Variants in CAND2 observed in about 807,000 individuals in gnomAD.
CAND2 encodes cullin-associated NEDD8-dissociated protein 2.
A neutral mutation model predicts 98.9 loss-of-function variants in CAND2; 62 were observed. The ratio of observed to expected loss-of-function variants is 0.63; its 90% confidence interval spans 0.51 to 0.77. CAND2 has a LOEUF of 0.77. Ranked by LOEUF, CAND2 falls within the 30% of genes least tolerant of loss-of-function variation. The pLI is 0.00. For synonymous variants in CAND2, 770 were observed against 731.9 expected (o/e 1.05, Z -0.84); for missense variants, 1,501 against 1,655.2 (o/e 0.91, Z 1.62).
At chr3:12,828,729 C>G (rs906205397) in intron 13 of CAND2, among the ~76,000 whole-genome samples, 1 of 152,202 alleles carries the variant, frequency 6.6e-6, no homozygotes, top group Middle Eastern at 3.2e-3. Context: ...CATCTCAGAA[C>G]TCTTTTCTCC....
At chr3:12,825,716 A>G (rs2061994159) in intron 12 of CAND2, 77 bp downstream of exon 12, 2 of 1,441,906 alleles carry the variant, frequency 1.4e-6, no homozygotes, top group African/African-American at 1.4e-5. Context: ...GGGCATTATT[A>G]TCTCATCAGA....
In CAND2 at chr3:12,816,354, C is replaced by T. The variant is rs2124853555; in HGVS notation, c.1442-20C>T. On this transcript the variant is annotated intron_variant, in intron 9 of 14. Coordinates refer to ENST00000456430, the MANE Select transcript of CAND2 (RefSeq NM_001162499.2). ...TGCATCAGAGGCGGTGGCCTCATAA[C>T]CTTTGCATTCACCCTGCAGGCATCA... 6.3e-7 allele frequency: 1 copy of T among 1,594,590 alleles called. No homozygotes were observed. Among genetic ancestry groups the T allele is most frequent in the Non-Finnish European group, 8.5e-7 (1 of 1,170,768 alleles).
intron 4 of CAND2, among the ~76,000 whole-genome samples, chr3:12,809,013 G>C (rs775281246): frequency 2.0e-5 from 3 of 152,150 alleles, no homozygotes; most frequent in Non-Finnish European, 4.4e-5. Context: ...CTGCAGTGGA[G>C]AGTAGGTGGG....
rs1385089446 is a variant in CAND2, at chr3:12,808,244, C to T, written c.402C>T (p.Ile134=). 2 of 1,551,238 alleles carry T rather than the reference C, an allele frequency of 1.3e-6. No individual in the cohort carries two copies. The highest frequency in any genetic ancestry group is 1.4e-5 in the African/African-American group (1 of 73,054). Residue 134 remains isoleucine (I), a synonymous_variant, in exon 4 of 15, where the codon ATC becomes ATT. Transcript: ENST00000456430. ...TGGCCACCAACGTGTGCCGGAAGAT[C>T]ACAGGCCAGCTCACCAGTGCCATTG... ...SGLATNVCRK[I]TGQLTSAIAQ... is the part of the protein sequence containing the mutation.
Position 12,819,203 on chromosome 3 carries a change from A to G in CAND2, c.2945-883A>G, listed in dbSNP as rs117015085. On this transcript the variant is annotated intron_variant, in intron 10 of 14. Coordinates refer to ENST00000456430, the MANE Select transcript of CAND2 (RefSeq NM_001162499.2). ...ATCAGCCACCCTAAATCTTCCTGGG[A>G]GCCAGTCAGGCTGGCAAGGGAAAGA... Among the ~76,000 whole-genome samples, 558 of 152,350 alleles carry G rather than the reference A, an allele frequency of 3.7e-3. 16 individuals are homozygous for G. In the East Asian group the frequency reaches 0.042, roughly 11 times the overall value.
chr3:12,827,850 G>A (rs1575782174), intron 13 of CAND2, among the ~76,000 whole-genome samples: 2 of 152,242 alleles, frequency 1.3e-5, no homozygotes, highest in African/African-American at 2.4e-5. Context: ...AGGTGTGGTG[G>A]CTTATGCCTG....
rs759049745 is a variant in CAND2, at chr3:12,817,338, C to T, written c.2406C>T (p.His802=). The change falls in exon 10 of 15, where the codon CAC becomes CAT. Residue 802 remains histidine (H), a synonymous_variant. Coordinates refer to ENST00000456430, the MANE Select transcript of CAND2 (RefSeq NM_001162499.2). The stretch of plus-strand genomic sequence containing the variant: ...CTGGCCTGCACAAGCAGGTGTTCCA[C>T]TCATTGGCCCGGTGTGTGGCAGCCC... ...GGPGLHKQVF[H]SLARCVAALS... is the part of the protein sequence containing the mutation. The T allele has an allele frequency of 1.2e-6, 2 of 1,613,968 alleles. No individual in the cohort carries two copies.
At chr3:12,830,748 G>C (rs1361836041) in intron 13 of CAND2, among the ~76,000 whole-genome samples, 1 of 152,232 alleles carries the variant, frequency 6.6e-6, no homozygotes, top group Admixed American at 6.5e-5. Flanking sequence ...ATCTTGTCTA[G>C]TTCTAGGGCA....
In CAND2 at chr3:12,813,331, G is replaced by A. The variant is rs561681645; in HGVS notation, c.949G>A (p.Asp317Asn). 3.1e-4 allele frequency: 502 copies of A among 1,614,138 alleles called. 6 individuals are homozygous for A. In the South Asian group the frequency reaches 4.8e-3, roughly 15 times the overall value. ...YIKHDPNYNY[D>N]SDEDEEQMET... Reference sequence around the variant, plus strand: ...AAAACACGACCCCAACTACAACTACGACAGTGATGAGGATGAGGAGCAGAT... The same window carrying A: ...AAAACACGACCCCAACTACAACTACAACAGTGATGAGGATGAGGAGCAGAT... Residue 317 changes from aspartate (D) to asparagine (N), a missense_variant, in exon 7 of 15, where the codon GAC (aspartate) becomes AAC (asparagine). This residue lies in a region of CAND2 where 1,427 missense variants were observed against 1,545.3 expected (regional missense o/e 0.92). Coordinates refer to ENST00000456430, the MANE Select transcript of CAND2 (RefSeq NM_001162499.2).
Position 12,813,083 on chromosome 3 carries a change from C to G in CAND2, c.851C>G (p.Ala284Gly). ...LRESCLQAFE[A>G]FLRKCPKEMG... is the part of the protein sequence containing the mutation. ...GAGTCCTGCCTCCAGGCTTTTGAGG[C>G]CTTCTTGAGGAAGTATGTATGGTGG... Residue 284 changes from alanine to glycine, a missense_variant, in exon 6 of 15, where the codon GCC becomes GGC. By Grantham distance (60) the Ala-to-Gly change is moderately conservative. This residue lies in a region of CAND2 where 1,427 missense variants were observed against 1,545.3 expected (regional missense o/e 0.92). Coordinates refer to ENST00000456430, the MANE Select transcript of CAND2 (RefSeq NM_001162499.2). 6.3e-7 allele frequency: 1 copy of G among 1,577,578 alleles called. No homozygotes were observed. The highest frequency in any genetic ancestry group is 8.6e-7 in the Non-Finnish European group (1 of 1,161,512).
At chr3:12,827,415 T>C (rs748274678) in intron 12 of CAND2, 25 bp from the exon 13 acceptor site, 1 of 1,604,376 alleles carries the variant, frequency 6.2e-7, no homozygotes, top group Non-Finnish European at 8.5e-7. Context: ...TGGGGCCATA[T>C]CACCAACCTT....
intron 5 of CAND2, among the ~76,000 whole-genome samples, chr3:12,812,067 T>C (rs9870433): frequency 0.65 from 97,359 of 150,920 alleles, 33,984 homozygotes; most frequent in African/African-American, 0.91. Flanking sequence ...CACTGCCACG[T>C]GCAGCTAATT....
chr3:12,810,100 A>C lies in CAND2; in HGVS notation c.533A>C (p.His178Pro). Residue 178 changes from histidine (H) to proline (P), a missense_variant, in exon 5 of 15, where the codon CAC becomes CCC. This residue lies in a region of CAND2 where 1,427 missense variants were observed against 1,545.3 expected (regional missense o/e 0.92). Coordinates refer to ENST00000456430, the MANE Select transcript of CAND2 (RefSeq NM_001162499.2). ...GGCGCCTTCCACGCCAGCCTCCTGC[A>C]CTGTCTGCTGCCACAGCTGAGCAGC... ...PLGAFHASLL[H>P]CLLPQLSSPR... The C allele has an allele frequency of 6.7e-7, 1 of 1,501,518 alleles. No individual in the cohort carries two copies. Among genetic ancestry groups the C allele is most frequent in the Non-Finnish European group, 8.9e-7 (1 of 1,128,122 alleles). The allele number at this position is 1,501,518 out of a possible 1,614,324, so 93.0% of individuals were successfully genotyped here.
chr3:12,831,699 CATT>C (rs1172819462), intron 14 of CAND2, 127 bp downstream of exon 14: 1 of 614,456 alleles, frequency 1.6e-6, no homozygotes, highest in Admixed American at 3.1e-5. Context: ...TTCATTTAAT[CATT>C]GTCATTGCCC....
intron 12 of CAND2, among the ~76,000 whole-genome samples, chr3:12,826,142 G>A (rs994486263): frequency 6.6e-6 from 1 of 152,172 alleles, no homozygotes; most frequent in African/African-American, 2.4e-5. Flanking sequence ...AAGCAGTAGC[G>A]TTCAGCAGGC....
At chr3:12,829,493 T>G (rs1017193883) in intron 13 of CAND2, among the ~76,000 whole-genome samples, 4 of 152,256 alleles carry the variant, frequency 2.6e-5, no homozygotes, top group African/African-American at 9.6e-5. Flanking sequence ...TGAGTCACTT[T>G]TTATAAGGAA....
intron 13 of CAND2, among the ~76,000 whole-genome samples, chr3:12,829,160 G>A (rs902695825): frequency 6.6e-6 from 1 of 152,144 alleles, no homozygotes; most frequent in African/African-American, 2.4e-5. Flanking sequence ...TTATTTATTT[G>A]TTTGAGATGG....
At position 12,813,296 on chromosome 3, in the gene CAND2, T is replaced by A; in HGVS notation, c.914T>A (p.Leu305His). 2 of 1,613,990 alleles carry A rather than the reference T, an allele frequency of 1.2e-6. No individual in the cohort carries two copies. The highest frequency in any genetic ancestry group is 3.3e-5 in the Admixed American group (2 of 60,016). The part of the protein sequence containing the change: ...PHVPNVTSLC[L>H]QYIKHDPNYN... ...GTGCCCAACGTGACCAGCCTCTGCCTCCAATACATAAAACACGACCCCAAC... is the reference window on the plus strand; with the variant it reads ...GTGCCCAACGTGACCAGCCTCTGCCACCAATACATAAAACACGACCCCAAC... Residue 305 changes from leucine to histidine, a missense_variant, in exon 7 of 15, where the codon CTC becomes CAC. This residue lies in a region of CAND2 where 1,427 missense variants were observed against 1,545.3 expected (regional missense o/e 0.92). Transcript: ENST00000456430.
intron 3 of CAND2, 131 bp from the exon 4 acceptor site, chr3:12,808,079 C>A: frequency 1.7e-6 from 2 of 1,206,616 alleles, no homozygotes; most frequent in Non-Finnish European, 2.3e-6. Context: ...AAACCTGGGA[C>A]CTCTGGAGCC....
Sources: allele counts gnomAD v4.1 joint callset (sites outside exome capture counted in the v4.1 genomes callset), GRCh38; gene constraint gnomAD v4.1.1; regional missense constraint gnomAD v4.1.1; transcripts MANE v1.5; gene names NCBI Gene and HGNC (gene_info 2026-07-23, HGNC 2026-07-21).